The following NCOA4 variants were observed in gnomAD, a reference collection of about 807,000 sequenced individuals.
The protein encoded by NCOA4 is nuclear receptor coactivator 4.
Under a neutral mutation model 69.5 loss-of-function variants are expected in NCOA4, and 31 were observed. The observed-to-expected ratio is 0.45, with a 90% CI of 0.34 to 0.60. The LOEUF is 0.60. Ranked by LOEUF, NCOA4 falls within the 20% of genes least tolerant of loss-of-function variation. NCOA4 has a pLI of 0.02. For missense variants in NCOA4, 600 were observed against 719.2 expected (o/e 0.83, Z 1.90); for synonymous variants, 228 against 252.4 (o/e 0.90, Z 0.92).
At chr10:46,024,842 G>A (rs1161126000) in intron 1 of NCOA4, among the ~76,000 whole-genome samples, 1 of 152,166 alleles carries the variant, frequency 6.6e-6, no homozygotes, top group African/African-American at 2.4e-5. Context: ...AAGCAGCGTA[G>A]CTCTCCTATG....
At chr10:46,025,129 A>G (rs1008788981) in intron 1 of NCOA4, among the ~76,000 whole-genome samples, 1 of 152,212 alleles carries the variant, frequency 6.6e-6, no homozygotes, top group African/African-American at 2.4e-5. Context: ...GAACCAGGAA[A>G]GCAGATGGTG....
At chr10:46,019,218 A>G (rs1257857526) in intron 1 of NCOA4, 2 of 582,732 alleles carry the variant, frequency 3.4e-6, no homozygotes, top group African/African-American at 2.0e-5. Flanking sequence ...TGGACACACC[A>G]ACAGTGGTTA....
In NCOA4 at chr10:46,010,476, A is replaced by C. The variant is rs781935886; in HGVS notation, c.1445T>G (p.Ile482Ser). Reference sequence around the variant, plus strand: ...CTTTATGACTTGGAAGGAATCAGCAATTCTAGAAGGAGTCATTGCCTTTGG... The same window carrying C: ...CTTTATGACTTGGAAGGAATCAGCACTTCTAGAAGGAGTCATTGCCTTTGG... ...KAPKAMTPSR[I>S]ADSFQVIKNS... is the part of the protein sequence containing the mutation. Residue 482 changes from isoleucine to serine, a missense_variant, in exon 8 of 10, where the codon ATT (isoleucine) becomes AGT (serine). Coordinates refer to ENST00000581486, the MANE Select transcript of NCOA4 (RefSeq NM_001145263.2). 6.2e-7 allele frequency: 1 copy of C among 1,614,228 alleles called. No homozygotes were observed. Among genetic ancestry groups the C allele is most frequent in the Non-Finnish European group, 8.5e-7 (1 of 1,180,044 alleles).
chr10:46,023,307 G>C (rs754207773), intron 1 of NCOA4: 12 of 985,392 alleles, frequency 1.2e-5, no homozygotes, highest in African/African-American at 3.5e-5. Flanking sequence ...CTCCCGCTAC[G>C]GCCCCTGGGC....
chr10:46,019,697 C>T (rs1327628030), intron 1 of NCOA4, among the ~76,000 whole-genome samples: 1 of 152,142 alleles, frequency 6.6e-6, no homozygotes, highest in Non-Finnish European at 1.5e-5. Flanking sequence ...GAGTAGACTA[C>T]AGCAAGAGTT....
chr10:46,009,120 C>G, intron 9 of NCOA4: 1 of 1,534,354 alleles, frequency 6.5e-7, no homozygotes, highest in Non-Finnish European at 8.8e-7. Flanking sequence ...GGAACCAAAC[C>G]CACCTTCGAG....
At chr10:46,012,042 C>T (rs1839240619) in intron 7 of NCOA4, among the ~76,000 whole-genome samples, 1 of 104,996 alleles carries the variant, frequency 9.5e-6, no homozygotes, top group Admixed American at 1.6e-4. Context: ...GCCTGGGAGA[C>T]AGAGCAAGAC....
chr10:46,016,719 A>T (rs782608153), intron 1 of NCOA4, 25 bp from the exon 2 acceptor site: 11 of 1,368,378 alleles, frequency 8.0e-6, no homozygotes, highest in Admixed American at 2.7e-5. Context: ...AATATATATA[A>T]ATAGCACCAT....
At chr10:46,012,080 A>AAAAAAAAAAAAAAAAAAAAAAAC (rs1839254890) in intron 7 of NCOA4, among the ~76,000 whole-genome samples, 1 of 133,936 alleles carries the variant, frequency 7.5e-6, no homozygotes, top group Non-Finnish European at 1.5e-5. Context: ...GAAAAAAAAA[A>AAAAAAAAAAAAAAAAAAAAAAAC]AAAAAAAAAA....
chr10:46,007,477 T>C (rs1838899334), intron 9 of NCOA4, among the ~76,000 whole-genome samples: 1 of 152,164 alleles, frequency 6.6e-6, no homozygotes, highest in Admixed American at 6.5e-5. Context: ...AACTTCCTAT[T>C]GGAAGAAGTA....
Position 46,016,917 on chromosome 10 carries a change from C to T in NCOA4, c.-14-223G>A, listed in dbSNP as rs563009076. ...AACTCTATAATCTACTTTAGTGACA[C>T]TTTACATGTGAATAGCTATTTCTGG... On this transcript the variant is annotated intron_variant, in intron 1 of 9. Transcript: ENST00000581486. Among the ~76,000 whole-genome samples the T allele has an allele frequency of 2.6e-5, 4 of 152,332 alleles. No homozygotes were observed. In the East Asian group the frequency reaches 7.7e-4, roughly 29 times the overall value.
In NCOA4 at chr10:46,009,252, A is replaced by G. The variant is rs1392101029; in HGVS notation, c.1839+159T>C. 27 of 1,503,214 alleles carry G rather than the reference A, an allele frequency of 1.8e-5. No homozygotes were observed. The Admixed American group carries it at 2.1e-4, about 12-fold the overall frequency. 93.1% of individuals were successfully genotyped at this position (1,503,214 alleles called of 1,614,324 possible). On this transcript the variant is annotated intron_variant, in intron 9 of 9. Coordinates refer to ENST00000581486, the MANE Select transcript of NCOA4 (RefSeq NM_001145263.2). ...AAGCAAATTCAATTAAAATACATCA[A>G]CTTTTTATGAGCTCCCCCGTCCCAC...
In NCOA4 at chr10:46,013,503, A is replaced by G. The variant is rs117102656; in HGVS notation, c.570+47T>C. ...ATGCTATATAAAACCCAAAGGAAGT[A>G]TAAGCCAAGTAATGACTCAATTACC... On this transcript the variant is annotated intron_variant, in intron 6 of 9. Transcript: ENST00000581486. The G allele has an allele frequency of 3.9e-4, 539 of 1,381,904 alleles. 7 individuals are homozygous for G. In the East Asian group the frequency reaches 0.011, roughly 28 times the overall value. The allele number at this position is 1,381,904 out of a possible 1,614,324, so 85.6% of individuals were successfully genotyped here. A position where few individuals can be genotyped will look rare whatever the true frequency, so the allele number is the denominator to read the frequency against.
At chr10:46,022,137 C>T (rs181052984) in intron 1 of NCOA4, among the ~76,000 whole-genome samples, 38 of 152,262 alleles carry the variant, frequency 2.5e-4, no homozygotes, top group Admixed American at 4.6e-4. Flanking sequence ...TGTAACCTCA[C>T]CTTCCAACTC....
chr10:46,020,244 CTG>C (rs1297339975), intron 1 of NCOA4, among the ~76,000 whole-genome samples: 1 of 152,194 alleles, frequency 6.6e-6, no homozygotes, highest in African/African-American at 2.4e-5. Context: ...AGAGGTCACT[CTG>C]GAGTCTGACA....
At chr10:46,021,343 C>G (rs1839859771) in intron 1 of NCOA4, among the ~76,000 whole-genome samples, 1 of 152,186 alleles carries the variant, frequency 6.6e-6, no homozygotes. Context: ...ATATAACACT[C>G]TCATTCTACA....
intron 9 of NCOA4, 94 bp from the exon 10 acceptor site, chr10:46,006,691 G>C: frequency 8.9e-7 from 1 of 1,124,662 alleles, no homozygotes; most frequent in South Asian, 1.2e-5. Flanking sequence ...TCCCAATACA[G>C]GTATACCCTT....
intron 8 of NCOA4, among the ~76,000 whole-genome samples, chr10:46,009,847 G>A (rs1276520401): frequency 2.6e-5 from 4 of 152,136 alleles, no homozygotes; most frequent in African/African-American, 4.8e-5. Flanking sequence ...CTGGCTGGCC[G>A]GTTTGCAAGG....
At chr10:46,007,036 C>G (rs1161508939) in intron 9 of NCOA4, among the ~76,000 whole-genome samples, 1 of 152,164 alleles carries the variant, frequency 6.6e-6, no homozygotes, top group Non-Finnish European at 1.5e-5. Context: ...TTTGGACCAG[C>G]CAAGCTGTGA....
Sources: gnomAD v4.1 joint callset for allele counts (sites outside exome capture counted in the v4.1 genomes callset) on GRCh38, gnomAD v4.1.1 for gene constraint, MANE v1.5 for transcripts, NCBI Gene and HGNC (gene_info 2026-07-23, HGNC 2026-07-21) for gene names.